NSL1: variants seen among roughly 807,000 people sequenced by gnomAD.
NSL1 encodes NSL1 component of MIS12 kinetochore complex.
Under a neutral mutation model 25.4 loss-of-function variants are expected in NSL1, and 11 were observed. The observed-to-expected ratio is 0.43, with a 90% CI of 0.27 to 0.72. The LOEUF (loss-of-function observed/expected upper bound fraction) is 0.72, where lower values mean the gene tolerates loss of function less well. Among genes scored for constraint, NSL1 ranks in the 30% least tolerant of loss-of-function variants. The pLI, the probability that NSL1 is intolerant of heterozygous loss-of-function variation, is 0.19. For missense variants in NSL1, 330 were observed against 342.7 expected (o/e 0.96, Z 0.29); for synonymous variants, 118 against 120.6 (o/e 0.98, Z 0.14).
chr1:212,773,225 C>A (rs1221575007), intron 4 of NSL1, among the ~76,000 whole-genome samples: 1 of 151,988 alleles, frequency 6.6e-6, no homozygotes, highest in Non-Finnish European at 1.5e-5. Flanking sequence ...GCAAAGGAAA[C>A]AATCAACAGA....
chr1:212,756,770 A>C (rs1659330023), intron 4 of NSL1, among the ~76,000 whole-genome samples: 1 of 152,148 alleles, frequency 6.6e-6, no homozygotes, highest in South Asian at 2.1e-4. Flanking sequence ...CAGTGAGCTG[A>C]GAGCGTGCCA....
rs114677205 is a variant in NSL1 at position 212,752,637 on chromosome 1, A to T, written c.500-13036T>A. On this transcript the variant is annotated intron_variant, in intron 4 of 5. Coordinates refer to ENST00000366977, the MANE Select transcript of NSL1 (RefSeq NM_015471.4). Reference sequence around the variant, plus strand: ...GGTTGTAAATGTCAAATGAGACCACATCTTATTGGTGGACAGCTCATCAGT... The same window carrying T: ...GGTTGTAAATGTCAAATGAGACCACTTCTTATTGGTGGACAGCTCATCAGT... Among the ~76,000 whole-genome samples the T allele has an allele frequency of 3.4e-3, 520 of 152,330 alleles. 2 individuals are homozygous for T. The highest frequency in any genetic ancestry group is 5.2e-3 in the Non-Finnish European group (357 of 68,028).
Position 212,791,569 on chromosome 1 carries a change from C to G in NSL1, c.195G>C (p.Pro65=). The stretch of plus-strand genomic sequence containing the variant: ...GCAGAGCGGGCTCCCGAATCTCCTC[C>G]GGCAGAGCGTCCCCGAGCTTTTGCA... ...RFVQKLGDAL[P]EEIREPALRD... Residue 65 remains proline (P), a synonymous_variant, in exon 1 of 6, where the codon CCG becomes CCC. Transcript: ENST00000366977. The G allele has an allele frequency of 1.9e-6, 3 of 1,613,840 alleles. No individual in the cohort carries two copies. The highest frequency in any genetic ancestry group is 2.5e-6 in the Non-Finnish European group (3 of 1,180,020).
rs1264100970 is a variant in NSL1 at position 212,784,402 on chromosome 1, T to G, written c.405A>C (p.Glu135Asp). ...TTGCTTTTATGGTTTTGATGACACA[T>G]TCCAGGATCTTTCTGGGATACTGCT... ...KRKQYPRKILECVIKTIKAKQ... is the reference protein window; with the variant it reads ...KRKQYPRKILDCVIKTIKAKQ... Residue 135 changes from glutamate to aspartate, a missense_variant, in exon 3 of 6, where the codon GAA (glutamate) becomes GAC (aspartate). Coordinates refer to ENST00000366977, the MANE Select transcript of NSL1 (RefSeq NM_015471.4). 3 of 1,597,502 alleles carry G rather than the reference T, an allele frequency of 1.9e-6. No individual in the cohort carries two copies. The highest frequency in any genetic ancestry group is 3.4e-5 in the Admixed American group (2 of 59,472).
chr1:212,787,177 T>A (rs1210155888), intron 2 of NSL1, among the ~76,000 whole-genome samples: 2 of 147,906 alleles, frequency 1.4e-5, no homozygotes, highest in Non-Finnish European at 3.0e-5. Context: ...AAAAAAAAAA[T>A]TGTCTTTTTA....
rs922263614 is a variant in NSL1, at chr1:212,734,804, C to T, written c.*3604G>A. 2.6e-5 allele frequency among the ~76,000 whole-genome samples: 4 copies of T among 152,200 alleles called. No individual in the cohort carries two copies. The highest frequency in any genetic ancestry group is 9.7e-5 in the African/African-American group (4 of 41,430). On this transcript the variant is annotated 3_prime_UTR_variant, in exon 6 of 6. Transcript: ENST00000366977. ...ACTTCCATGACTACTCCCCTAAGTT[C>T]CACACATACATCTATCATACCATTT...
rs768676698 is a variant in NSL1 at position 212,738,495 on chromosome 1, G to A, written c.759C>T (p.Asp253=). The A allele has an allele frequency of 4.8e-5, 77 of 1,613,944 alleles. No individual in the cohort carries two copies. Among genetic ancestry groups the A allele is most frequent in the Non-Finnish European group, 5.5e-5 (65 of 1,179,998 alleles). ...PTETASRKTS[D]MVLKRKQTKD... ...TAGTTTGCTTTCTTTTCAGTACCAT[G>A]TCAGAGGTTTTCCTGGAAGCAGTCT... The change falls in exon 6 of 6, where the codon GAC becomes GAT. Residue 253 remains aspartate, a synonymous_variant. Coordinates refer to ENST00000366977, the MANE Select transcript of NSL1 (RefSeq NM_015471.4).
In NSL1 at chr1:212,728,677, A is replaced by T; in HGVS notation, c.*9731T>A. 1.0e-6 allele frequency: 1 copy of T among 985,462 alleles called. No individual in the cohort carries two copies. The highest frequency in any genetic ancestry group is 1.2e-6 in the Non-Finnish European group (1 of 829,934). 61.0% of individuals were successfully genotyped at this position (985,462 alleles called of 1,614,324 possible). A position where few individuals can be genotyped will look rare whatever the true frequency, so the allele number is the denominator to read the frequency against. ...CCACAGGCTTATCTGCACATCACTT[A>T]TACCATTTGGTGAGATCTCTGGAGA... On this transcript the variant is annotated 3_prime_UTR_variant, in exon 6 of 6. Coordinates refer to ENST00000366977, the MANE Select transcript of NSL1 (RefSeq NM_015471.4).
chr1:212,754,973 G>A lies in NSL1; in HGVS notation c.500-15372C>T, dbSNP rs145342313. Among the ~76,000 whole-genome samples, 664 of 152,166 alleles carry A rather than the reference G, an allele frequency of 4.4e-3. 2 individuals are homozygous for A. Among genetic ancestry groups the A allele is most frequent in the African/African-American group, 0.015 (640 of 41,492 alleles). On this transcript the variant is annotated intron_variant, in intron 4 of 5. Transcript: ENST00000366977. Reference sequence around the variant, plus strand: ...ATGGCTCCAGCCTGGGATTGTTTGGGGCCAGATGGAAGGCAACCAAACCTA... The same window carrying A: ...ATGGCTCCAGCCTGGGATTGTTTGGAGCCAGATGGAAGGCAACCAAACCTA...
intron 3 of NSL1, among the ~76,000 whole-genome samples, chr1:212,783,414 G>A (rs372157624): frequency 6.6e-6 from 1 of 152,066 alleles, no homozygotes; most frequent in Non-Finnish European, 1.5e-5. Context: ...CGGTATTTGA[G>A]AACTGCTATA....
chr1:212,789,107 T>C (rs1433292751), intron 1 of NSL1, among the ~76,000 whole-genome samples: 2 of 152,246 alleles, frequency 1.3e-5, no homozygotes, highest in African/African-American at 4.8e-5. Flanking sequence ...CTTTGTATAA[T>C]TAAAAATAAC....
chr1:212,727,453 GAC>G lies in NSL1; in HGVS notation c.*10953_*10954del. The G allele has an allele frequency of 1.0e-6, 1 of 985,368 alleles. No individual in the cohort carries two copies. The allele number at this position is 985,368 out of a possible 1,614,324, so 61.0% of individuals were successfully genotyped here. ...AGACATTACCTAAATTTGGAAAAGTGACACAATTTCAAGCAGCAGTCAACTAA... is the reference window on the plus strand; with the variant it reads ...AGACATTACCTAAATTTGGAAAAGTGACAATTTCAAGCAGCAGTCAACTAA... On this transcript the variant is annotated 3_prime_UTR_variant, in exon 6 of 6. Transcript: ENST00000366977.
intron 4 of NSL1, among the ~76,000 whole-genome samples, chr1:212,776,437 C>T (rs1403850120): frequency 1.3e-5 from 2 of 151,382 alleles, no homozygotes; most frequent in Non-Finnish European, 2.9e-5. Context: ...ACCTATAGTC[C>T]CAGCTACTTG....
At chr1:212,777,941 G>A (rs1660449881) in intron 4 of NSL1, among the ~76,000 whole-genome samples, 2 of 152,218 alleles carry the variant, frequency 1.3e-5, no homozygotes, top group Non-Finnish European at 2.9e-5. Context: ...GAGAGCAAGA[G>A]TGAAACAAGA....
Position 212,729,810 on chromosome 1 carries a change from G to C in NSL1, c.*8598C>G. On this transcript the variant is annotated 3_prime_UTR_variant, in exon 6 of 6. Coordinates refer to ENST00000366977, the MANE Select transcript of NSL1 (RefSeq NM_015471.4). ...AAAGAACAGCTAGAACATGGAAAAAGCAATGTAATCAGCTGGTGCTGCAAA... is the reference window on the plus strand; with the variant it reads ...AAAGAACAGCTAGAACATGGAAAAACCAATGTAATCAGCTGGTGCTGCAAA... 2 of 985,366 alleles carry C rather than the reference G, an allele frequency of 2.0e-6. No homozygotes were observed. Among genetic ancestry groups the C allele is most frequent in the Non-Finnish European group, 2.4e-6 (2 of 829,914 alleles). 61.0% of individuals were successfully genotyped at this position (985,366 alleles called of 1,614,324 possible). A position where few individuals can be genotyped will look rare whatever the true frequency, so the allele number is the denominator to read the frequency against.
chr1:212,742,601 C>T (rs1316921838), intron 4 of NSL1, among the ~76,000 whole-genome samples: 1 of 151,958 alleles, frequency 6.6e-6, no homozygotes, highest in East Asian at 1.9e-4. Flanking sequence ...AGACTATAGT[C>T]AATATATACA....
At chr1:212,779,003 T>C in intron 4 of NSL1, among the ~76,000 whole-genome samples, 1 of 149,746 alleles carries the variant, frequency 6.7e-6, no homozygotes, top group Non-Finnish European at 1.5e-5. Context: ...GGAGCGTCTC[T>C]GCCCGGCCGC....
chr1:212,778,724 G>A (rs1243123253), intron 4 of NSL1, among the ~76,000 whole-genome samples: 9 of 152,112 alleles, frequency 5.9e-5, no homozygotes, highest in Non-Finnish European at 1.3e-4. Flanking sequence ...AGGCTGGAGT[G>A]CAGTGGCGTG....
Position 212,729,533 on chromosome 1 carries a change from A to G in NSL1, c.*8875T>C. The G allele has an allele frequency of 1.0e-6, 1 of 985,402 alleles. No homozygotes were observed. The allele number at this position is 985,402 out of a possible 1,614,324, so 61.0% of individuals were successfully genotyped here. A position where few individuals can be genotyped will look rare whatever the true frequency, so the allele number is the denominator to read the frequency against. ...ATGGGACCTGGAGCAGGGGTGCCCT[A>G]CAACTTTGCCCATTTTTATTATTCT... On this transcript the variant is annotated 3_prime_UTR_variant, in exon 6 of 6. Coordinates refer to ENST00000366977, the MANE Select transcript of NSL1 (RefSeq NM_015471.4).
Sources: gnomAD v4.1 joint callset for allele counts (sites outside exome capture counted in the v4.1 genomes callset) on GRCh38, gnomAD v4.1.1 for gene constraint, MANE v1.5 for transcripts, NCBI Gene and HGNC (gene_info 2026-07-23, HGNC 2026-07-21) for gene names.